The following YAP1 variants were observed in gnomAD, a reference collection of about 807,000 sequenced individuals.
The protein encoded by YAP1 is Yes1 associated transcriptional regulator.
YAP1 carries 5 observed loss-of-function variants against 56.9 expected under a neutral mutation model. That is an observed-to-expected ratio of 0.09 (90% CI 0.05 to 0.18). YAP1 has a LOEUF of 0.18. Ranked by LOEUF, YAP1 falls within the 10% of genes least tolerant of loss-of-function variation. The pLI is 1.00. For missense variants in YAP1, 539 were observed against 651.8 expected (o/e 0.83, Z 1.88); for synonymous variants, 265 against 248.1 (o/e 1.07, Z -0.64).
intron 6 of YAP1, among the ~76,000 whole-genome samples, chr11:102,219,556 C>A (rs908773402): frequency 2.6e-5 from 4 of 152,012 alleles, no homozygotes; most frequent in African/African-American, 7.3e-5. Context: ...GTTTTAAAGT[C>A]ACTTCTCACT....
chr11:102,212,129 T>G (rs776108588), intron 6 of YAP1, among the ~76,000 whole-genome samples: 1 of 152,240 alleles, frequency 6.6e-6, no homozygotes, highest in Non-Finnish European at 1.5e-5. Context: ...ATCTGAACAC[T>G]AGACGCTGTT....
At chr11:102,153,788 G>A (rs1445386695) in intron 2 of YAP1, among the ~76,000 whole-genome samples, 1 of 151,724 alleles carries the variant, frequency 6.6e-6, no homozygotes, top group African/African-American at 2.4e-5. Flanking sequence ...GAGCTGCTAG[G>A]CAATTGACAT....
At position 102,111,154 on chromosome 11, in the gene YAP1, A is replaced by T. The variant is rs781207075; in HGVS notation, c.306A>T (p.Lys102Asn). 1.2e-5 allele frequency: 20 copies of T among 1,612,862 alleles called. No homozygotes were observed. Among genetic ancestry groups the T allele is most frequent in the Non-Finnish European group, 1.6e-5 (19 of 1,179,748 alleles). The change falls in exon 1 of 9, where the codon AAA becomes AAT. Residue 102 changes from lysine to asparagine, a missense_variant. Physicochemically the swap from Lys to Asn is moderately conservative, Grantham distance 94. Around this residue, in one of 4 missense-constraint regions of YAP1, gnomAD observed 414 missense variants for 512.4 expected, o/e 0.81. Transcript: ENST00000282441. ...CCTTCTTCAAGCCGCCGGAGCCCAA[A>T]TCCCACTCCCGACAGGTAACCTCGT... ...PDSFFKPPEP[K>N]SHSRQASTDA...
At chr11:102,136,365 A>G (rs4384354) in intron 2 of YAP1, among the ~76,000 whole-genome samples, 149,591 of 149,602 alleles carry the variant, frequency 1, 74,790 homozygotes, top group Middle Eastern at 1. Context: ...TTTTTTTTAA[A>G]ACAGGGTCTC....
rs369666063 is a variant in YAP1, at chr11:102,128,344, A to G, written c.572+13950A>G. On this transcript the variant is annotated intron_variant, in intron 2 of 8. Transcript: ENST00000282441. Reference sequence around the variant, plus strand: ...TAGTCTTTCCCGTGCTATTCTCATGATAATGAATAAGTCTCACGAGATCTG... The same window carrying G: ...TAGTCTTTCCCGTGCTATTCTCATGGTAATGAATAAGTCTCACGAGATCTG... 3.5e-4 allele frequency among the ~76,000 whole-genome samples: 54 copies of G among 152,214 alleles called. 1 individual carries two copies. The South Asian group carries it at 0.011, about 31-fold the overall frequency.
chr11:102,175,051 G>A (rs1213281643), intron 3 of YAP1, among the ~76,000 whole-genome samples: 1 of 152,176 alleles, frequency 6.6e-6, no homozygotes, highest in Non-Finnish European at 1.5e-5. Flanking sequence ...TATAGGACAT[G>A]GGTGAACCTG....
intron 6 of YAP1, among the ~76,000 whole-genome samples, chr11:102,219,828 A>G (rs993020004): frequency 5.9e-5 from 9 of 151,820 alleles, no homozygotes; most frequent in African/African-American, 1.7e-4. Context: ...CAGTGGCGCA[A>G]TCTCAGCTCA....
intron 3 of YAP1, among the ~76,000 whole-genome samples, chr11:102,181,232 T>A (rs1178052624): frequency 1.3e-5 from 2 of 151,328 alleles, no homozygotes; most frequent in Admixed American, 1.3e-4. Context: ...GATCACGAGG[T>A]CAGGAGATCG....
At chr11:102,144,362 A>G (rs1945197668) in intron 2 of YAP1, among the ~76,000 whole-genome samples, 1 of 152,166 alleles carries the variant, frequency 6.6e-6, no homozygotes, top group Non-Finnish European at 1.5e-5. Flanking sequence ...TAAATTGGAG[A>G]AAAAAATTTA....
intron 4 of YAP1, among the ~76,000 whole-genome samples, chr11:102,188,832 A>G (rs1022315284): frequency 2.6e-5 from 4 of 152,236 alleles, no homozygotes; most frequent in African/African-American, 9.6e-5. Context: ...TTATAGTATC[A>G]ATCCTTCACA....
At chr11:102,114,518 C>T in intron 2 of YAP1, 124 bp downstream of exon 2, 3 of 1,169,106 alleles carry the variant, frequency 2.6e-6, no homozygotes, top group Non-Finnish European at 3.5e-6. Context: ...TTATGTTAAG[C>T]TCTGTAGCTC....
At chr11:102,184,284 A>G (rs1300636169) in intron 3 of YAP1, among the ~76,000 whole-genome samples, 2 of 152,222 alleles carry the variant, frequency 1.3e-5, no homozygotes, top group Non-Finnish European at 2.9e-5. Flanking sequence ...ATAGTAGCAA[A>G]CCATTAATAT....
At chr11:102,121,438 C>CA (rs58207163) in intron 2 of YAP1, among the ~76,000 whole-genome samples, 128,060 of 144,660 alleles carry the variant, frequency 0.89, 56,893 homozygotes, top group African/African-American at 0.96. Flanking sequence ...GACCTTGTCT[C>CA]AAAAAAAAAA....
At chr11:102,191,625 C>T (rs965394250) in intron 4 of YAP1, among the ~76,000 whole-genome samples, 1 of 152,138 alleles carries the variant, frequency 6.6e-6, no homozygotes, top group Non-Finnish European at 1.5e-5. Flanking sequence ...TGTGACTCAT[C>T]TTGAATAAGT....
intron 3 of YAP1, among the ~76,000 whole-genome samples, chr11:102,167,470 C>T (rs911444563): frequency 6.6e-6 from 1 of 152,200 alleles, no homozygotes; most frequent in Non-Finnish European, 1.5e-5. Flanking sequence ...TGCAGTGGCT[C>T]ATGCCTGTAA....
At chr11:102,132,113 G>A (rs554083400) in intron 2 of YAP1, among the ~76,000 whole-genome samples, 1 of 151,964 alleles carries the variant, frequency 6.6e-6, no homozygotes, top group East Asian at 1.9e-4. Flanking sequence ...GCGAGACCCT[G>A]TGTCAAAAAA....
At chr11:102,186,817 T>A (rs1475089334) in intron 4 of YAP1, 1 of 82,040 alleles carries the variant, frequency 1.2e-5, no homozygotes, top group Non-Finnish European at 2.8e-5. Flanking sequence ...TTAAAAAATG[T>A]GTGTGTGTGT....
chr11:102,175,459 A>G (rs1947189551), intron 3 of YAP1, among the ~76,000 whole-genome samples: 2 of 152,188 alleles, frequency 1.3e-5, no homozygotes, highest in Admixed American at 1.3e-4. Context: ...TCTTCAGTAA[A>G]TGTTTATTTT....
chr11:102,223,488 G>C, intron 6 of YAP1, 134 bp from the exon 7 acceptor site: 1 of 940,780 alleles, frequency 1.1e-6, no homozygotes, highest in Non-Finnish European at 1.5e-6. Flanking sequence ...TTCTGATTGG[G>C]AAATGTATTA....
Sources: gnomAD v4.1 joint callset for allele counts (sites outside exome capture counted in the v4.1 genomes callset) on GRCh38, gnomAD v4.1.1 for gene constraint, gnomAD v4.1.1 regional missense constraint, MANE v1.5 for transcripts, NCBI Gene and HGNC (gene_info 2026-07-23, HGNC 2026-07-21) for gene names.